Variants in MAP4K5 observed in about 807,000 individuals in gnomAD.
The protein encoded by MAP4K5 is mitogen-activated protein kinase kinase kinase kinase 5.
In MAP4K5, 82 loss-of-function variants were observed where a neutral mutation model predicts 135.6. That is an observed-to-expected ratio of 0.60 (90% CI 0.51 to 0.73). The LOEUF (loss-of-function observed/expected upper bound fraction) is 0.73. Ranked by LOEUF, MAP4K5 falls within the 30% of genes least tolerant of loss-of-function variation. The pLI, the probability that MAP4K5 is intolerant of heterozygous loss-of-function variation, is 0.00. For missense variants in MAP4K5, 907 were observed against 1,010.9 expected (o/e 0.90, Z 1.39); for synonymous variants, 347 against 335.0 (o/e 1.04, Z -0.39).
intron 6 of MAP4K5, among the ~76,000 whole-genome samples, chr14:50,477,582 A>C (rs2139884206): frequency 6.6e-6 from 1 of 152,296 alleles, no homozygotes; most frequent in Admixed American, 6.5e-5. Context: ...CCCGTCTTTT[A>C]CCATTAAGTA....
In MAP4K5 at chr14:50,466,660, ATAGT is replaced by A. The variant is rs760918453; in HGVS notation, c.675-19_675-16del. 27 of 1,197,020 alleles carry A rather than the reference ATAGT, an allele frequency of 2.3e-5. No homozygotes were observed. Among genetic ancestry groups the A allele is most frequent in the Middle Eastern group, 2.5e-4 (1 of 4,068 alleles). 74.1% of individuals were successfully genotyped at this position (1,197,020 alleles called of 1,614,324 possible). A position where few individuals can be genotyped will look rare whatever the true frequency, so the allele number is the denominator to read the frequency against. On this transcript the variant is annotated splice_polypyrimidine_tract_variant and intron_variant, in intron 10 of 32. Coordinates refer to ENST00000682126, the MANE Select transcript of MAP4K5 (RefSeq NM_006575.6). ...AGAAGAGAGCCCTGAAATAAAAATT[ATAGT>A]TAAAGAACAATATCAAAATTACTAC...
chr14:50,429,628 T>C (rs562457918), intron 28 of MAP4K5, among the ~76,000 whole-genome samples: 4 of 152,238 alleles, frequency 2.6e-5, no homozygotes, highest in East Asian at 1.9e-4. Context: ...CAATGGGAGA[T>C]AGAAACAAGA....
At position 50,513,823 on chromosome 14, in the gene MAP4K5, A is replaced by C. The variant is rs115835479; in HGVS notation, c.109-8966T>G. Among the ~76,000 whole-genome samples the C allele has an allele frequency of 1.7e-3, 252 of 152,308 alleles. 1 individual carries two copies. Among genetic ancestry groups the C allele is most frequent in the African/African-American group, 5.4e-3 (224 of 41,558 alleles). ...CCTTTATTCTATAACATAACATCAG[A>C]AAATCCAGACATCTCAATATTTTTA... On this transcript the variant is annotated intron_variant, in intron 2 of 32. Coordinates refer to ENST00000682126, the MANE Select transcript of MAP4K5 (RefSeq NM_006575.6).
intron 2 of MAP4K5, among the ~76,000 whole-genome samples, chr14:50,526,012 T>G (rs2038255900): frequency 6.6e-6 from 1 of 152,198 alleles, no homozygotes; most frequent in African/African-American, 2.4e-5. Flanking sequence ...GAACCTGGAA[T>G]GAATACAGAT....
chr14:50,467,361 T>TA (rs1025730506), intron 10 of MAP4K5, among the ~76,000 whole-genome samples: 2 of 151,752 alleles, frequency 1.3e-5, no homozygotes, highest in Non-Finnish European at 2.9e-5. Context: ...AAAGGAAAAA[T>TA]AAAAAAAACT....
chr14:50,513,587 TAAAAAA>T (rs3050007), intron 2 of MAP4K5, among the ~76,000 whole-genome samples: 1 of 149,146 alleles, frequency 6.7e-6, no homozygotes, highest in Non-Finnish European at 1.5e-5. Flanking sequence ...AAACTGGGGC[TAAAAAA>T]AAAAAAACCA....
chr14:50,495,204 A>C (rs565964366), intron 3 of MAP4K5, among the ~76,000 whole-genome samples: 1 of 152,334 alleles, frequency 6.6e-6, no homozygotes, highest in South Asian at 2.1e-4. Flanking sequence ...AGAATATATA[A>C]AGAACTCCTA....
intron 1 of MAP4K5, chr14:50,560,043 G>A (rs1241048626): frequency 1.7e-5 from 10 of 599,724 alleles, no homozygotes; most frequent in East Asian, 5.7e-5. Context: ...TGTGACGCTG[G>A]TATCTGTGTG....
At chr14:50,485,549 T>C (rs1283027994) in intron 5 of MAP4K5, 29 bp downstream of exon 5, 2 of 1,408,640 alleles carry the variant, frequency 1.4e-6, no homozygotes, top group South Asian at 2.6e-5. Context: ...CCAAAGTCTG[T>C]TTAAAATGTA....
chr14:50,530,174 G>T (rs1462689249), intron 2 of MAP4K5, among the ~76,000 whole-genome samples: 3 of 152,212 alleles, frequency 2.0e-5, no homozygotes, highest in Non-Finnish European at 4.4e-5. Flanking sequence ...GTGTTAAGGG[G>T]TGAAGGTAGA....
chr14:50,447,572 T>C (rs1339871074), intron 15 of MAP4K5, 91 bp from the exon 16 acceptor site: 1 of 693,970 alleles, frequency 1.4e-6, no homozygotes, highest in African/African-American at 1.9e-5. Flanking sequence ...GTGTCATGAT[T>C]ATTAATCATC....
intron 2 of MAP4K5, among the ~76,000 whole-genome samples, chr14:50,516,685 C>T (rs577158898): frequency 6.6e-6 from 1 of 152,298 alleles, no homozygotes; most frequent in South Asian, 2.1e-4. Context: ...TCTACTTAAT[C>T]TATGGTGGTC....
chr14:50,468,586 T>C (rs2139838145), intron 10 of MAP4K5, 65 bp downstream of exon 10: 5 of 1,477,116 alleles, frequency 3.4e-6, no homozygotes, highest in African/African-American at 1.4e-5. Flanking sequence ...GATGCTGAGT[T>C]ATCAGCATTT....
intron 1 of MAP4K5, chr14:50,559,282 A>G (rs1396728816): frequency 6.6e-6 from 1 of 152,274 alleles, no homozygotes; most frequent in Non-Finnish European, 1.5e-5. Context: ...AGTAACAACC[A>G]AATGGCAGAA....
intron 2 of MAP4K5, among the ~76,000 whole-genome samples, chr14:50,527,011 TTAAC>T (rs2038280306): frequency 6.6e-6 from 1 of 152,086 alleles, no homozygotes; most frequent in Admixed American, 6.6e-5. Flanking sequence ...CTTAGAATGA[TTAAC>T]TAAATGAAGG....
chr14:50,497,286 T>C (rs1022967394), intron 3 of MAP4K5, among the ~76,000 whole-genome samples: 7 of 152,244 alleles, frequency 4.6e-5, no homozygotes, highest in African/African-American at 1.7e-4. Context: ...CACTAACCTT[T>C]ATTCATTTTC....
Position 50,445,212 on chromosome 14 carries a change from A to G in MAP4K5, c.1186-18T>C. ...ATCCTTGGCTAGTGGTACAAAGACAAAAAAGTACTTTAACAGTTATCATTA... is the reference window on the plus strand; with the variant it reads ...ATCCTTGGCTAGTGGTACAAAGACAGAAAAGTACTTTAACAGTTATCATTA... On this transcript the variant is annotated intron_variant, in intron 17 of 32. Coordinates refer to ENST00000682126, the MANE Select transcript of MAP4K5 (RefSeq NM_006575.6). 1 of 1,609,832 alleles carries G rather than the reference A, an allele frequency of 6.2e-7. No homozygotes were observed. The highest frequency in any genetic ancestry group is 8.5e-7 in the Non-Finnish European group (1 of 1,177,928).
At chr14:50,474,941 C>A (rs2037062611) in intron 9 of MAP4K5, 136 bp downstream of exon 9, 2 of 714,496 alleles carry the variant, frequency 2.8e-6, no homozygotes, top group Non-Finnish European at 4.8e-6. Context: ...CTAACCCAAA[C>A]AGAACTTATG....
chr14:50,468,160 C>T (rs28643464), intron 10 of MAP4K5, among the ~76,000 whole-genome samples: 3,818 of 151,930 alleles, frequency 0.025, 147 homozygotes, highest in African/African-American at 0.087. Flanking sequence ...TCAAATATAA[C>T]TAGAAAAGTT....
Sources: gnomAD v4.1 joint callset for allele counts (sites outside exome capture counted in the v4.1 genomes callset) on GRCh38, gnomAD v4.1.1 for gene constraint, MANE v1.5 for transcripts, NCBI Gene and HGNC (gene_info 2026-07-23, HGNC 2026-07-21) for gene names.